The following HCRTR2 variants were observed in gnomAD, a reference collection of about 807,000 sequenced individuals.
The protein encoded by HCRTR2 is hypocretin receptor 2.
A neutral mutation model predicts 49.0 loss-of-function variants in HCRTR2; 22 were observed. That is an observed-to-expected ratio of 0.45 (90% confidence interval 0.32 to 0.64). The LOEUF is 0.64. HCRTR2 is among the 30% of genes least tolerant of loss of function. The probability of loss-of-function intolerance (pLI) is 0.04; values close to 1 mark genes in which losing one functional copy is unlikely to be tolerated. For synonymous variants in HCRTR2, 236 were observed against 205.3 expected (o/e 1.15, Z -1.28); for missense variants, 491 against 559.4 (o/e 0.88, Z 1.23).
In HCRTR2 at chr6:55,165,743, GAATATATATATATATATATATA is replaced by G. The variant is rs1282721588; in HGVS notation, c.-377-8467_-377-8446del. 9.1e-4 allele frequency among the ~76,000 whole-genome samples: 82 copies of G among 90,224 alleles called. 2 individuals are homozygous for G. The South Asian group carries it at 0.01, about 11-fold the overall frequency. 59.2% of individuals were successfully genotyped at this position (90,224 alleles called of 152,430 possible). A position where few individuals can be genotyped will look rare whatever the true frequency, so the allele number is the denominator to read the frequency against. On this transcript the variant is annotated intron_variant, in intron 1 of 7. Coordinates refer to the HCRTR2 transcript ENST00000615358. Reference sequence around the variant, plus strand: ...GTATTTGTTAAGGGATTAGTATACAGAATATATATATATATATATATATATATATATATATATATATATATAC... The same window carrying G: ...GTATTTGTTAAGGGATTAGTATACAGTATATATATATATATATATATATAC...
At chr6:55,274,053 A>G (rs1366373446) in intron 4 of HCRTR2, among the ~76,000 whole-genome samples, 1 of 151,544 alleles carries the variant, frequency 6.6e-6, no homozygotes, top group Non-Finnish European at 1.5e-5. Flanking sequence ...AAAAATTAAA[A>G]TTAGTACTTT....
rs1767166997 is a variant in HCRTR2, at chr6:55,280,440, C to T, written c.1101C>T (p.Leu367=). 1.9e-6 allele frequency: 3 copies of T among 1,611,798 alleles called. No individual in the cohort carries two copies. Among genetic ancestry groups the T allele is most frequent in the South Asian group, 2.2e-5 (2 of 91,052 alleles). ...SAANPIIYNF[L]SGKFREEFKA... ...CGAATCCAATTATTTATAATTTTCT[C>T]AGTGGTGAGTTTTCAACTGTTCTTC... The change falls in exon 6 of 7, where the codon CTC becomes CTT. Residue 367 remains leucine (L), a synonymous_variant. Transcript: ENST00000370862.
At chr6:55,147,023 A>T (rs547403878) in intron 1 of HCRTR2, among the ~76,000 whole-genome samples, 2 of 152,290 alleles carry the variant, frequency 1.3e-5, no homozygotes, top group Non-Finnish European at 2.9e-5. Flanking sequence ...AAATTTTTTT[A>T]AAAATCCCAA....
At chr6:55,226,515 G>A (rs1465983593) in intron 1 of HCRTR2, among the ~76,000 whole-genome samples, 2 of 151,904 alleles carry the variant, frequency 1.3e-5, no homozygotes, top group Non-Finnish European at 2.9e-5. Flanking sequence ...CACCATGTTG[G>A]CCAGGGTGGT....
chr6:55,128,252 G>A (rs1419072836), intron 1 of HCRTR2, among the ~76,000 whole-genome samples: 2 of 152,010 alleles, frequency 1.3e-5, no homozygotes, highest in South Asian at 2.1e-4. Flanking sequence ...TCTTATTTCT[G>A]GGTTCTCTAT....
chr6:55,277,983 T>G (rs563897662), intron 5 of HCRTR2, among the ~76,000 whole-genome samples: 1 of 152,232 alleles, frequency 6.6e-6, no homozygotes, highest in African/African-American at 2.4e-5. Context: ...CATAGGCAAT[T>G]GTGAGAGAAT....
intron 3 of HCRTR2, 83 bp downstream of exon 3, chr6:55,255,462 G>A (rs1460075272): frequency 2.7e-6 from 4 of 1,489,090 alleles, no homozygotes; most frequent in Non-Finnish European, 3.7e-6. Context: ...TTGTAAAGCT[G>A]GGCTTATATA....
At chr6:55,247,730 G>A (rs1175432229) in intron 1 of HCRTR2, among the ~76,000 whole-genome samples, 2 of 152,096 alleles carry the variant, frequency 1.3e-5, no homozygotes, top group African/African-American at 2.4e-5. Flanking sequence ...GCAACTGAAT[G>A]AGACAGTACA....
intron 1 of HCRTR2, among the ~76,000 whole-genome samples, chr6:55,107,543 A>AT (rs1763991748): frequency 1.3e-5 from 2 of 148,828 alleles, no homozygotes; most frequent in South Asian, 4.2e-4. Context: ...GTTCTGTAAC[A>AT]TATACACTAT....
At chr6:55,123,164 T>A (rs1561978519) in intron 1 of HCRTR2, among the ~76,000 whole-genome samples, 1 of 151,334 alleles carries the variant, frequency 6.6e-6, no homozygotes, top group Admixed American at 6.6e-5. Flanking sequence ...AATTAAAAGT[T>A]AAAAAAAGGA....
At chr6:55,265,590 G>C (rs1162221744) in intron 4 of HCRTR2, among the ~76,000 whole-genome samples, 11 of 152,128 alleles carry the variant, frequency 7.2e-5, no homozygotes, top group Non-Finnish European at 1.5e-5. Flanking sequence ...GCTAAAACAA[G>C]TCACGTGGTT....
chr6:55,187,263 A>T (rs978978817), intron 1 of HCRTR2, among the ~76,000 whole-genome samples: 3 of 151,850 alleles, frequency 2.0e-5, no homozygotes, highest in East Asian at 3.9e-4. Flanking sequence ...CAACAAAAAA[A>T]TTAGCTGGGC....
chr6:55,126,029 A>C (rs1764271268), intron 1 of HCRTR2, among the ~76,000 whole-genome samples: 2 of 152,024 alleles, frequency 1.3e-5, no homozygotes, highest in Admixed American at 6.6e-5. Flanking sequence ...CCTTTTTTCA[A>C]GGTTCTTAGC....
At chr6:55,130,012 T>C (rs571878283) in intron 1 of HCRTR2, among the ~76,000 whole-genome samples, 8 of 151,998 alleles carry the variant, frequency 5.3e-5, no homozygotes, top group Admixed American at 1.3e-4. Context: ...ATGTCCTCAT[T>C]TGTTTAACCC....
intron 1 of HCRTR2, among the ~76,000 whole-genome samples, chr6:55,177,165 C>G (rs563957300): frequency 6.6e-6 from 1 of 152,260 alleles, no homozygotes; most frequent in African/African-American, 2.4e-5. Context: ...GTCCACAGCC[C>G]CAAGTGCTGA....
At chr6:55,267,816 A>T (rs1455221491) in intron 4 of HCRTR2, among the ~76,000 whole-genome samples, 1 of 152,166 alleles carries the variant, frequency 6.6e-6, no homozygotes, top group African/African-American at 2.4e-5. Flanking sequence ...AAATCAGTCT[A>T]GTGTGAGAAA....
chr6:55,273,081 A>T (rs1040745769), intron 4 of HCRTR2, among the ~76,000 whole-genome samples: 1 of 152,070 alleles, frequency 6.6e-6, no homozygotes, highest in African/African-American at 2.4e-5. Context: ...AGAATTTAGC[A>T]TGCAAATCTT....
chr6:55,159,713 C>T (rs961263475), intron 1 of HCRTR2, among the ~76,000 whole-genome samples: 4 of 151,936 alleles, frequency 2.6e-5, no homozygotes, highest in African/African-American at 9.7e-5. Context: ...ATATCCAAAT[C>T]GATCAAGCAA....
In HCRTR2 at chr6:55,189,683, T is replaced by C. The variant is rs372952452; in HGVS notation, c.223+14873T>C. Among the ~76,000 whole-genome samples the C allele has an allele frequency of 7.0e-4, 107 of 152,244 alleles. 3 individuals carry two copies. In the South Asian group the frequency reaches 0.017, roughly 24 times the overall value. ...ACCATCAGGATAAATAGCTAAAGCATGTGGGACTTAATACCTAGGTGATGG... is the reference window on the plus strand; with the variant it reads ...ACCATCAGGATAAATAGCTAAAGCACGTGGGACTTAATACCTAGGTGATGG... On this transcript the variant is annotated intron_variant, in intron 1 of 6. Coordinates refer to ENST00000370862, the MANE Select transcript of HCRTR2 (RefSeq NM_001384272.1).
Sources: allele counts gnomAD v4.1 joint callset (sites outside exome capture counted in the v4.1 genomes callset), GRCh38; gene constraint gnomAD v4.1.1; transcripts MANE v1.5; gene names NCBI Gene and HGNC (gene_info 2026-07-23, HGNC 2026-07-21).